PCSK2: variants seen among roughly 807,000 people sequenced by gnomAD.
PCSK2 encodes neuroendocrine convertase 2.
PCSK2 carries 14 observed loss-of-function variants against 69.7 expected under a neutral mutation model. That is an observed-to-expected ratio of 0.20 (90% CI 0.13 to 0.31). The LOEUF (loss-of-function observed/expected upper bound fraction) is 0.31. PCSK2 is among the 10% of genes least tolerant of loss of function. The probability of loss-of-function intolerance (pLI) is 1.00; values close to 1 mark genes in which losing one functional copy is unlikely to be tolerated. For synonymous variants in PCSK2, 307 were observed against 320.7 expected (o/e 0.96, Z 0.46); for missense variants, 544 against 842.5 (o/e 0.65, Z 4.39).
Position 17,416,506 on chromosome 20 carries a change from A to G in PCSK2, c.620+7167A>G, listed in dbSNP as rs551221426. 5.3e-5 allele frequency among the ~76,000 whole-genome samples: 8 copies of G among 152,322 alleles called. No homozygotes were observed. In the East Asian group the frequency reaches 1.4e-3, roughly 26 times the overall value. Reference sequence around the variant, plus strand: ...CACACCAGTTAGAATGGTGATCATTAAAAAGTCAGGAAACAACAAATGCTG... The same window carrying G: ...CACACCAGTTAGAATGGTGATCATTGAAAAGTCAGGAAACAACAAATGCTG... On this transcript the variant is annotated intron_variant, in intron 6 of 11. Coordinates refer to ENST00000262545, the MANE Select transcript of PCSK2 (RefSeq NM_002594.5).
intron 1 of PCSK2, among the ~76,000 whole-genome samples, chr20:17,248,886 C>A: frequency 6.6e-6 from 1 of 152,114 alleles, no homozygotes; most frequent in East Asian, 1.9e-4. Flanking sequence ...GTAGGACCAC[C>A]ACACAAGCAG....
At chr20:17,338,615 T>C (rs551060024) in intron 2 of PCSK2, among the ~76,000 whole-genome samples, 195 of 152,290 alleles carry the variant, frequency 1.3e-3, no homozygotes, top group South Asian at 3.9e-3. Context: ...TTCTTTGACA[T>C]AAAACTTATT....
At chr20:17,270,977 T>C (rs939349551) in intron 2 of PCSK2, among the ~76,000 whole-genome samples, 3 of 152,050 alleles carry the variant, frequency 2.0e-5, no homozygotes, top group Admixed American at 6.6e-5. Context: ...CCCTCTGAGG[T>C]CCTAAATCTG....
intron 2 of PCSK2, among the ~76,000 whole-genome samples, chr20:17,276,445 AACACACACACAC>A (rs58766799): frequency 3.4e-5 from 5 of 146,864 alleles, no homozygotes; most frequent in South Asian, 2.2e-4. Flanking sequence ...TTTTAAATTC[AACACACACACAC>A]ACACACACAC....
chr20:17,292,655 A>G (rs1988736960), intron 2 of PCSK2, among the ~76,000 whole-genome samples: 1 of 152,184 alleles, frequency 6.6e-6, no homozygotes, highest in South Asian at 2.1e-4. Context: ...GTTGGGTCAT[A>G]CCCTTCAAGA....
chr20:17,460,285 G>A (rs4306770), intron 10 of PCSK2, among the ~76,000 whole-genome samples: 1 of 152,128 alleles, frequency 6.6e-6, no homozygotes, highest in East Asian at 1.9e-4. Context: ...AAGAAAGAAA[G>A]AAAAGAAAGA....
rs1193757704 is a variant in PCSK2 at position 17,453,888 on chromosome 20, C to A, written c.1032C>A (p.Asp344Glu). Residue 344 changes from aspartate to glutamate, a missense_variant, in exon 9 of 12, where the codon GAC becomes GAA. By Grantham distance (45) the Asp-to-Glu change is conservative. Coordinates refer to ENST00000262545, the MANE Select transcript of PCSK2 (RefSeq NM_002594.5). The surrounding 1 kb of genome is among the most constrained non-coding windows in gnomAD (Gnocchi z 4.0). The stretch of plus-strand genomic sequence containing the variant: ...ACGACGGCAGGACTGCCCTGTACGA[C>A]GAGAGCTGCTCTTCCACCTTGGCTT... ...AINDGRTALY[D>E]ESCSSTLAST... 6.2e-7 allele frequency: 1 copy of A among 1,614,246 alleles called. No homozygotes were observed. The highest frequency in any genetic ancestry group is 8.5e-7 in the Non-Finnish European group (1 of 1,180,032).
At chr20:17,449,526 G>GTATATA in intron 8 of PCSK2, among the ~76,000 whole-genome samples, 11,971 of 130,508 alleles carry the variant, frequency 0.092, 860 homozygotes, top group East Asian at 0.17. Flanking sequence ...ATGTATGTAT[G>GTATATA]TATATATATA....
chr20:17,319,864 T>G (rs940160323), intron 2 of PCSK2, among the ~76,000 whole-genome samples: 4 of 152,144 alleles, frequency 2.6e-5, no homozygotes, highest in Non-Finnish European at 5.9e-5. Context: ...GAAAGGTGAC[T>G]TTTTTGGGCC....
chr20:17,456,404 T>G lies in PCSK2; in HGVS notation c.1158T>G (p.Ala386=). ...CTLRHSGTSA[A]APEAAGVFAL... is the part of the protein sequence containing the mutation. Reference sequence around the variant, plus strand: ...TGAGGCATTCTGGGACATCTGCAGCTGCCCCCGAGGCAGCTGGTGTGTTTG... The same window carrying G: ...TGAGGCATTCTGGGACATCTGCAGCGGCCCCCGAGGCAGCTGGTGTGTTTG... The change falls in exon 10 of 12, where the codon GCT becomes GCG. Residue 386 remains alanine, a synonymous_variant. Transcript: ENST00000262545. The G allele has an allele frequency of 1.2e-6, 2 of 1,612,984 alleles. No homozygotes were observed. The highest frequency in any genetic ancestry group is 1.7e-6 in the Non-Finnish European group (2 of 1,178,896).
At chr20:17,274,118 T>G (rs986139450) in intron 2 of PCSK2, among the ~76,000 whole-genome samples, 2 of 152,158 alleles carry the variant, frequency 1.3e-5, no homozygotes, top group East Asian at 3.8e-4. Context: ...TAGTGTATTT[T>G]TTATTCAAAA....
chr20:17,320,223 G>A (rs1175560475), intron 2 of PCSK2, among the ~76,000 whole-genome samples: 1 of 152,132 alleles, frequency 6.6e-6, no homozygotes, highest in South Asian at 2.1e-4. Flanking sequence ...GTATGCCCAG[G>A]AGACACTTAG....
intron 1 of PCSK2, among the ~76,000 whole-genome samples, chr20:17,246,449 G>A (rs1047848606): frequency 2.6e-5 from 4 of 152,144 alleles, no homozygotes; most frequent in African/African-American, 9.7e-5. Flanking sequence ...AGAAATTACA[G>A]TAATTACTCA....
chr20:17,367,696 C>T (rs1158542574), intron 4 of PCSK2, among the ~76,000 whole-genome samples: 2 of 152,158 alleles, frequency 1.3e-5, no homozygotes, highest in African/African-American at 4.8e-5. Context: ...CAGGGTCTCA[C>T]TATGTTGCCC....
rs751023706 is a variant in PCSK2 at position 17,260,283 on chromosome 20, T to G, written c.221T>G (p.Leu74Arg). The change falls in exon 2 of 12, where the codon CTT becomes CGT. Residue 74 changes from leucine (L) to arginine (R), a missense_variant. Physicochemically the swap from Leu to Arg is moderately radical, Grantham distance 102 (BLOSUM62 -2). Transcript: ENST00000262545. The stretch of plus-strand genomic sequence containing the variant: ...CTGTACCACTTTTATCACAATGGCC[T>G]TGCAAAGGCCAAGAGAAGACGCAGC... ...EGLYHFYHNGLAKAKRRRSLH... is the reference protein window; with the variant it reads ...EGLYHFYHNGRAKAKRRRSLH... 5 of 1,613,776 alleles carry G rather than the reference T, an allele frequency of 3.1e-6. No homozygotes were observed. In the South Asian group the frequency reaches 5.5e-5, roughly 18 times the overall value.
At chr20:17,277,478 C>T (rs1014210026) in intron 2 of PCSK2, among the ~76,000 whole-genome samples, 31 of 152,162 alleles carry the variant, frequency 2.0e-4, no homozygotes, top group Admixed American at 1.2e-3. Context: ...AAAGGATTCC[C>T]GATTTAATAA....
intron 5 of PCSK2, among the ~76,000 whole-genome samples, chr20:17,382,089 T>C (rs1028113670): frequency 2.6e-5 from 4 of 152,118 alleles, no homozygotes; most frequent in Non-Finnish European, 4.4e-5. Context: ...GCTTGATTAT[T>C]AATAACTCGC....
chr20:17,356,861 C>T (rs879596146), intron 2 of PCSK2, among the ~76,000 whole-genome samples: 1 of 152,068 alleles, frequency 6.6e-6, no homozygotes, highest in African/African-American at 2.4e-5. Context: ...GATTCAAATC[C>T]TGGGAAAGAG....
intron 2 of PCSK2, among the ~76,000 whole-genome samples, chr20:17,278,403 A>C (rs969503052): frequency 1.3e-5 from 2 of 152,232 alleles, no homozygotes. Context: ...AAAAATGATG[A>C]GTTCATGTCC....
Sources: gnomAD v4.1 joint callset for allele counts (sites outside exome capture counted in the v4.1 genomes callset) on GRCh38, gnomAD v4.1.1 for gene constraint, Gnocchi (gnomAD v3.1) non-coding constraint, MANE v1.5 for transcripts, NCBI Gene and HGNC (gene_info 2026-07-23, HGNC 2026-07-21) for gene names.